Variants in LOC122539214 observed in about 807,000 individuals in gnomAD.
At chr19:52,671,577 G>C in the LOC122539214 span, among the ~76,000 whole-genome samples, 22 of 152,058 alleles carry the variant, frequency 1.4e-4, 1 homozygote, top group African/African-American at 4.6e-4. Context: ...CAACTAGCTG[G>C]AGCTGCAGGC....
chr19:52,657,624 G>T, the LOC122539214 span, among the ~76,000 whole-genome samples: 1 of 152,206 alleles, frequency 6.6e-6, no homozygotes, highest in African/African-American at 2.4e-5. Flanking sequence ...AAGGCAGGCG[G>T]ATCACCTGAG....
At chr19:52,683,530 G>GATCGCATCACCTGCTGGT in the LOC122539214 span, among the ~76,000 whole-genome samples, 1 of 83,580 alleles carries the variant, frequency 1.2e-5, no homozygotes, top group Non-Finnish European at 2.3e-5. Flanking sequence ...CCAAAGGGAA[G>GATCGCATCACCTGCTGGT]GGCAAAGTCC....
chr19:52,668,162 G>T, the LOC122539214 span, among the ~76,000 whole-genome samples: 3 of 152,044 alleles, frequency 2.0e-5, no homozygotes, highest in African/African-American at 7.2e-5. Flanking sequence ...CATCAGCATC[G>T]GCCTGGGGAT....
chr19:52,669,169 A>G, the LOC122539214 span, among the ~76,000 whole-genome samples: 12 of 152,184 alleles, frequency 7.9e-5, no homozygotes, highest in Non-Finnish European at 1.2e-4. Flanking sequence ...CTTTAGTCCA[A>G]TTGGCTATCC....
At chr19:52,679,911 T>C in the LOC122539214 span, among the ~76,000 whole-genome samples, 1 of 152,176 alleles carries the variant, frequency 6.6e-6, no homozygotes, top group Non-Finnish European at 1.5e-5. Context: ...CTGGGCACAG[T>C]GGCTCACACC....
chr19:52,677,123 TTAA>T, the LOC122539214 span, among the ~76,000 whole-genome samples: 3 of 34,244 alleles, frequency 8.8e-5, no homozygotes, highest in African/African-American at 3.0e-4. Context: ...GAATGATCAA[TTAA>T]AAAAAAAAAG....
the LOC122539214 span, chr19:52,652,997 G>A: frequency 7.3e-7 from 1 of 1,377,404 alleles, no homozygotes; most frequent in African/African-American, 1.4e-5. Context: ...TCTCCAGTAT[G>A]AACTCTCTGA....
the LOC122539214 span, among the ~76,000 whole-genome samples, chr19:52,667,430 A>G: frequency 6.6e-6 from 1 of 152,198 alleles, no homozygotes; most frequent in African/African-American, 2.4e-5. Flanking sequence ...GAAATGTCAT[A>G]TAATTTGAAA....
At chr19:52,681,557 C>T in the LOC122539214 span, among the ~76,000 whole-genome samples, 2 of 152,180 alleles carry the variant, frequency 1.3e-5, no homozygotes, top group Non-Finnish European at 2.9e-5. Flanking sequence ...CATAAAATAA[C>T]ATACTGTCCC....
chr19:52,680,374 A>T, the LOC122539214 span, among the ~76,000 whole-genome samples: 1 of 151,836 alleles, frequency 6.6e-6, no homozygotes, highest in African/African-American at 2.4e-5. Context: ...AGGCATTTCC[A>T]CTCCTCCAAA....
the LOC122539214 span, among the ~76,000 whole-genome samples, chr19:52,656,837 G>C: frequency 4.2e-5 from 6 of 141,396 alleles, no homozygotes; most frequent in South Asian, 1.1e-3. Context: ...TTTCATTCCA[G>C]CCTATCGACA....
At chr19:52,654,105 A>T in the LOC122539214 span, 1 of 1,604,914 alleles carries the variant, frequency 6.2e-7, no homozygotes, top group East Asian at 2.2e-5. Context: ...GTTCAGGCAG[A>T]TGTGAATAAA....
the LOC122539214 span, among the ~76,000 whole-genome samples, chr19:52,688,720 A>G: frequency 6.6e-6 from 1 of 152,202 alleles, no homozygotes; most frequent in South Asian, 2.1e-4. Flanking sequence ...CTCTATCTCT[A>G]TATGGACAGA....
the LOC122539214 span, among the ~76,000 whole-genome samples, chr19:52,675,958 G>C: frequency 6.6e-6 from 1 of 152,116 alleles, no homozygotes; most frequent in African/African-American, 2.4e-5. Flanking sequence ...TTGGGAGGCC[G>C]ATGCAGGCAG....
chr19:52,665,231 G>A, the LOC122539214 span, among the ~76,000 whole-genome samples: 1 of 152,096 alleles, frequency 6.6e-6, no homozygotes, highest in Non-Finnish European at 1.5e-5. Flanking sequence ...AGGCCAGGGA[G>A]GAGTGAGGTC....
At chr19:52,659,950 T>C in the LOC122539214 span, among the ~76,000 whole-genome samples, 2 of 152,064 alleles carry the variant, frequency 1.3e-5, no homozygotes, top group Admixed American at 1.3e-4. Context: ...CCCACGACCT[T>C]GGGAGGCTGA....
At chr19:52,663,589 G>A in the LOC122539214 span, among the ~76,000 whole-genome samples, 1 of 152,170 alleles carries the variant, frequency 6.6e-6, no homozygotes, top group African/African-American at 2.4e-5. Context: ...TGATGTTAGT[G>A]TAAAGAAAAA....
At chr19:52,686,459 CATATATATAT>C in the LOC122539214 span, among the ~76,000 whole-genome samples, 15 of 143,056 alleles carry the variant, frequency 1.0e-4, no homozygotes, top group South Asian at 4.4e-4. Context: ...AAAAAAATTA[CATATATATAT>C]ATATATATAT....
chr19:52,652,125 T>C, the LOC122539214 span: 1 of 237,146 alleles, frequency 4.2e-6, no homozygotes. Flanking sequence ...TGATGTCTAA[T>C]GCGGTGTGAA....
Sources: gnomAD v4.1 joint callset for allele counts (sites outside exome capture counted in the v4.1 genomes callset) on GRCh38, gnomAD v4.1.1 for gene constraint, MANE v1.5 for transcripts.